The following ICA1L variants were observed in gnomAD, a reference collection of about 807,000 sequenced individuals.
The protein encoded by ICA1L is islet cell autoantigen 1 like, also known as islet cell autoantigen 1-like protein.
Under a neutral mutation model 61.3 loss-of-function variants are expected in ICA1L, and 50 were observed. That is an observed-to-expected ratio of 0.82 (90% CI 0.65 to 1.03). ICA1L has a LOEUF of 1.03. Ranked by LOEUF, ICA1L falls within the 50% of genes least tolerant of loss-of-function variation. The pLI is 0.00. For missense variants in ICA1L, 508 were observed against 556.7 expected (o/e 0.91, Z 0.88); for synonymous variants, 161 against 191.3 (o/e 0.84, Z 1.31).
At chr2:202,825,064 A>T (rs1386476703) in intron 3 of ICA1L, among the ~76,000 whole-genome samples, 1 of 152,248 alleles carries the variant, frequency 6.6e-6, no homozygotes, top group African/African-American at 2.4e-5. Flanking sequence ...ATGAATACAG[A>T]CAATTACATC....
At chr2:202,782,459 G>A (rs1692440913) in intron 12 of ICA1L, among the ~76,000 whole-genome samples, 1 of 151,680 alleles carries the variant, frequency 6.6e-6, no homozygotes, top group African/African-American at 2.4e-5. Flanking sequence ...CCAGGCTGGA[G>A]GGCAATGGTA....
intron 9 of ICA1L, among the ~76,000 whole-genome samples, chr2:202,805,967 C>T (rs181713606): frequency 3.9e-5 from 6 of 152,282 alleles, no homozygotes; most frequent in Admixed American, 6.5e-5. Context: ...GTTAGGTATA[C>T]GAGTTCATGA....
In ICA1L at chr2:202,817,751, G is replaced by A. The variant is rs1017893508; in HGVS notation, c.559-208C>T. Among the ~76,000 whole-genome samples the A allele has an allele frequency of 3.3e-5, 5 of 152,096 alleles. No individual in the cohort carries two copies. In the East Asian group the frequency reaches 9.6e-4, roughly 29 times the overall value. On this transcript the variant is annotated intron_variant, in intron 5 of 12. Coordinates refer to ENST00000358299, the MANE Select transcript of ICA1L (RefSeq NM_001288622.3). ...TAGTAATTGTAGGAGATTCTTTCCAGAAGATATCTTTATGCTGAGAAAGTA... is the reference window on the plus strand; with the variant it reads ...TAGTAATTGTAGGAGATTCTTTCCAAAAGATATCTTTATGCTGAGAAAGTA...
chr2:202,779,812 T>G (rs76095481), intron 12 of ICA1L, among the ~76,000 whole-genome samples, 164 bp from the exon 13 acceptor site: 3,810 of 151,526 alleles, frequency 0.025, 170 homozygotes, highest in African/African-American at 0.088. Context: ...TTTTTTTTTT[T>G]TTTTTGTTTT....
rs868804291 is a variant in ICA1L at position 202,774,600 on chromosome 2, A to G, written c.*4933T>C. 1 of 287,632 alleles carries G rather than the reference A, an allele frequency of 3.5e-6. No homozygotes were observed. The highest frequency in any genetic ancestry group is 6.4e-6 in the Non-Finnish European group (1 of 156,724). 17.8% of individuals were successfully genotyped at this position (287,632 alleles called of 1,614,324 possible). A position where few individuals can be genotyped will look rare whatever the true frequency, so the allele number is the denominator to read the frequency against. On this transcript the variant is annotated 3_prime_UTR_variant, in exon 13 of 13. Transcript: ENST00000358299. Reference sequence around the variant, plus strand: ...GAGAGACCAGTCACTGCATGCTGAGAGGGGGTCACATGGGAGGGGGCTCAG... The same window carrying G: ...GAGAGACCAGTCACTGCATGCTGAGGGGGGGTCACATGGGAGGGGGCTCAG...
intron 1 of ICA1L, 50 bp downstream of exon 1, chr2:202,871,569 A>T (rs1273817995): frequency 2.0e-5 from 3 of 151,870 alleles, no homozygotes; most frequent in African/African-American, 4.8e-5. Context: ...TCCGGGCCTG[A>T]CCGCCGCCTG....
rs1016763188 is a variant in ICA1L, at chr2:202,774,343, G to A, written c.*5190C>T. 15 of 1,392,122 alleles carry A rather than the reference G, an allele frequency of 1.1e-5. No homozygotes were observed. The highest frequency in any genetic ancestry group is 1.4e-5 in the Non-Finnish European group (15 of 1,081,354). 86.2% of individuals were successfully genotyped at this position (1,392,122 alleles called of 1,614,324 possible). On this transcript the variant is annotated 3_prime_UTR_variant, in exon 13 of 13. Transcript: ENST00000358299. ...TTCCCCGCAGCGCTGAGGCGAGCCT[G>A]CCGCGCGCTCCGCTCAGCGTGGTCT...
chr2:202,790,523 C>A (rs1414832294), intron 10 of ICA1L, among the ~76,000 whole-genome samples: 1 of 152,188 alleles, frequency 6.6e-6, no homozygotes, highest in Non-Finnish European at 1.5e-5. Context: ...GAACACAGGG[C>A]TCCTTCTCTC....
intron 8 of ICA1L, among the ~76,000 whole-genome samples, chr2:202,814,346 T>C (rs1693470471): frequency 4.6e-5 from 7 of 152,164 alleles, no homozygotes; most frequent in Admixed American, 4.6e-4. Context: ...GAATGGGTTG[T>C]TATACAGCCA....
chr2:202,863,756 G>A (rs1031205301), intron 1 of ICA1L, among the ~76,000 whole-genome samples: 5 of 151,576 alleles, frequency 3.3e-5, no homozygotes, highest in Non-Finnish European at 7.4e-5. Context: ...GAACCCGGGA[G>A]GCGGAGCTTG....
At chr2:202,853,902 T>C (rs1215455403) in intron 1 of ICA1L, among the ~76,000 whole-genome samples, 2 of 151,984 alleles carry the variant, frequency 1.3e-5, no homozygotes, top group African/African-American at 4.8e-5. Context: ...GCACTAACTA[T>C]GGAAAGGAAA....
chr2:202,817,387 G>A (rs756287964), intron 6 of ICA1L, 31 bp downstream of exon 6: 2 of 1,516,238 alleles, frequency 1.3e-6, no homozygotes, highest in African/African-American at 1.4e-5. Flanking sequence ...CATCTTTACT[G>A]CAAGGATATG....
At chr2:202,830,468 T>A (rs559045073) in intron 1 of ICA1L, among the ~76,000 whole-genome samples, 3 of 152,176 alleles carry the variant, frequency 2.0e-5, no homozygotes, top group African/African-American at 7.2e-5. Context: ...TTAACATGGC[T>A]ATATAAGGAA....
chr2:202,847,221 CTA>C (rs1694488247), intron 1 of ICA1L, among the ~76,000 whole-genome samples: 1 of 152,058 alleles, frequency 6.6e-6, no homozygotes, highest in African/African-American at 2.4e-5. Context: ...GTAAGAATGG[CTA>C]TAAAGGCAGA....
At chr2:202,811,514 T>C (rs1462159770) in intron 9 of ICA1L, among the ~76,000 whole-genome samples, 2 of 151,536 alleles carry the variant, frequency 1.3e-5, no homozygotes, top group Non-Finnish European at 2.9e-5. Flanking sequence ...AAAAAAAAAT[T>C]AGCTGGGCAT....
intron 1 of ICA1L, chr2:202,870,961 A>C (rs376143893): frequency 5.6e-4 from 86 of 152,334 alleles, no homozygotes; most frequent in African/African-American, 2.0e-3. Context: ...GCGCGTTTCC[A>C]GGAGCCATAT....
chr2:202,832,682 T>C (rs557013908), intron 1 of ICA1L, among the ~76,000 whole-genome samples: 96 of 152,082 alleles, frequency 6.3e-4, no homozygotes, highest in African/African-American at 2.1e-3. Context: ...GGGAGGCTGA[T>C]ACAAGAGGAT....
At chr2:202,792,332 C>G (rs1169499475) in intron 10 of ICA1L, among the ~76,000 whole-genome samples, 2 of 152,062 alleles carry the variant, frequency 1.3e-5, no homozygotes, top group East Asian at 1.9e-4. Context: ...AATTTCACTC[C>G]TGGGAATCTA....
At chr2:202,801,991 A>G (rs1358498678) in intron 9 of ICA1L, among the ~76,000 whole-genome samples, 2 of 152,226 alleles carry the variant, frequency 1.3e-5, no homozygotes, top group Non-Finnish European at 2.9e-5. Flanking sequence ...GAAACAAGCT[A>G]CCACAAGAAT....
Sources: gnomAD v4.1 joint callset for allele counts (sites outside exome capture counted in the v4.1 genomes callset) on GRCh38, gnomAD v4.1.1 for gene constraint, MANE v1.5 for transcripts, NCBI Gene and HGNC (gene_info 2026-07-23, HGNC 2026-07-21) for gene names.